EPSTI1: variants seen among roughly 807,000 people sequenced by gnomAD.
The protein encoded by EPSTI1 is epithelial-stromal interaction protein 1.
In EPSTI1, 66 loss-of-function variants were observed where a neutral mutation model predicts 49.9. The observed-to-expected ratio is 1.32, with a 90% confidence interval of 1.08 to 1.62. The LOEUF (loss-of-function observed/expected upper bound fraction) is 1.62. Among genes scored for constraint, EPSTI1 ranks in the 40% most tolerant of loss-of-function variants. The pLI is 0.00. For synonymous variants in EPSTI1, 137 were observed against 130.7 expected, an observed-to-expected ratio of 1.05 and a Z score of -0.33; for missense variants, 394 against 365.5, an observed-to-expected ratio of 1.08 and a Z score of -0.64.
In EPSTI1 at chr13:42,887,940, A is replaced by G. The variant is rs2036909529; in HGVS notation, c.*554T>C. 5.1e-6 allele frequency: 1 copy of G among 194,448 alleles called. No individual in the cohort carries two copies. Among genetic ancestry groups the G allele is most frequent in the African/African-American group, 2.4e-5 (1 of 42,448 alleles). 12.0% of individuals were successfully genotyped at this position (194,448 alleles called of 1,614,324 possible). Reference sequence around the variant, plus strand: ...GAATTAAAATGAGACCCTTCAAGAGAGAAAACCCCAATAACTTTTCATTAA... The same window carrying G: ...GAATTAAAATGAGACCCTTCAAGAGGGAAAACCCCAATAACTTTTCATTAA... On this transcript the variant is annotated 3_prime_UTR_variant, in exon 11 of 11. Transcript: ENST00000313624.
chr13:42,992,226 T>G lies in EPSTI1; in HGVS notation c.-61A>C. 6.8e-7 allele frequency: 1 copy of G among 1,467,600 alleles called. No individual in the cohort carries two copies. The highest frequency in any genetic ancestry group is 9.0e-7 in the Non-Finnish European group (1 of 1,106,176). 90.9% of individuals were successfully genotyped at this position (1,467,600 alleles called of 1,614,324 possible). A position where few individuals can be genotyped will look rare whatever the true frequency, so the allele number is the denominator to read the frequency against. On this transcript the variant is annotated 5_prime_UTR_variant, in exon 1 of 11. Coordinates refer to ENST00000313624, the MANE Select transcript of EPSTI1 (RefSeq NM_033255.5). The stretch of plus-strand genomic sequence containing the variant: ...GCGGGAGGGATGCGGCTGGGACGCT[T>G]AGCGAGTCTCAAGATGGGATTCCAA...
intron 10 of EPSTI1, among the ~76,000 whole-genome samples, chr13:42,893,313 A>G (rs904434219): frequency 6.6e-6 from 1 of 152,232 alleles, no homozygotes; most frequent in African/African-American, 2.4e-5. Flanking sequence ...GTATTATTAG[A>G]ACAAAGTCCC....
chr13:42,926,022 T>TGGAAGGAAGGAAGGAAGGAAGGAA (rs2038160183), intron 7 of EPSTI1, among the ~76,000 whole-genome samples: 1 of 9,746 alleles, frequency 1.0e-4, no homozygotes, highest in Admixed American at 7.7e-4. Flanking sequence ...GATGGATGCA[T>TGGAAGGAAGGAAGGAAGGAAGGAA]GGATGGAAGG....
At chr13:42,920,734 C>T (rs2037968426) in intron 7 of EPSTI1, among the ~76,000 whole-genome samples, 3 of 152,120 alleles carry the variant, frequency 2.0e-5, no homozygotes, top group Admixed American at 1.3e-4. Flanking sequence ...TGGACAAATG[C>T]CAGGCTGAGA....
At chr13:42,958,156 A>C (rs2039330996) in intron 5 of EPSTI1, among the ~76,000 whole-genome samples, 1 of 152,228 alleles carries the variant, frequency 6.6e-6, no homozygotes, top group South Asian at 2.1e-4. Flanking sequence ...AATTCAGCCC[A>C]CCAACAAATG....
At chr13:42,961,767 A>T (rs548214255) in intron 5 of EPSTI1, among the ~76,000 whole-genome samples, 1 of 152,322 alleles carries the variant, frequency 6.6e-6, no homozygotes, top group African/African-American at 2.4e-5. Flanking sequence ...ACCAGCAGCC[A>T]GTGGGGGAAG....
At chr13:42,930,304 G>A (rs1005647022) in intron 6 of EPSTI1, among the ~76,000 whole-genome samples, 5 of 152,210 alleles carry the variant, frequency 3.3e-5, no homozygotes, top group African/African-American at 4.8e-5. Context: ...GTACATGCAT[G>A]CATGCATTCA....
In EPSTI1 at chr13:42,972,883, A is replaced by T. The variant is rs375272623; in HGVS notation, c.189-2213T>A. ...AAAATAAATAAATAAAAAATAAATTAAAAAAGAATACCCAAACAAGTCTTA... is the reference window on the plus strand; with the variant it reads ...AAAATAAATAAATAAAAAATAAATTTAAAAAGAATACCCAAACAAGTCTTA... On this transcript the variant is annotated intron_variant, in intron 1 of 10. Coordinates refer to ENST00000313624, the MANE Select transcript of EPSTI1 (RefSeq NM_033255.5). Among the ~76,000 whole-genome samples, 5 of 152,306 alleles carry T rather than the reference A, an allele frequency of 3.3e-5. No homozygotes were observed. The East Asian group carries it at 7.7e-4, about 23-fold the overall frequency.
At chr13:42,933,858 A>G (rs1000289426) in intron 6 of EPSTI1, 3 of 152,828 alleles carry the variant, frequency 2.0e-5, no homozygotes, top group Admixed American at 6.5e-5. Context: ...ACCCCCCTGC[A>G]TGGACTTCCT....
chr13:42,980,800 C>T (rs2039974055), intron 1 of EPSTI1, among the ~76,000 whole-genome samples: 1 of 152,136 alleles, frequency 6.6e-6, no homozygotes, highest in South Asian at 2.1e-4. Flanking sequence ...TTCTAAGGGT[C>T]AGAATTGCAG....
chr13:42,924,584 C>T (rs2038115552), intron 7 of EPSTI1, among the ~76,000 whole-genome samples: 2 of 152,212 alleles, frequency 1.3e-5, no homozygotes, highest in African/African-American at 4.8e-5. Flanking sequence ...TGTTCTCCCT[C>T]TCCCTCCCTG....
chr13:42,963,455 A>T (rs1016295480), intron 4 of EPSTI1, 117 bp from the exon 5 acceptor site: 62 of 742,260 alleles, frequency 8.4e-5, no homozygotes, highest in Non-Finnish European at 1.1e-5. Flanking sequence ...ATACCTCACC[A>T]TGATTATAGG....
rs2037106451 is a variant in EPSTI1 at position 42,893,733 on chromosome 13, CGGTT to C, written c.915+1272_915+1275del. Among the ~76,000 whole-genome samples, 33 of 152,288 alleles carry C rather than the reference CGGTT, an allele frequency of 2.2e-4. No individual in the cohort carries two copies. In the South Asian group the frequency reaches 6.4e-3, roughly 30 times the overall value. ...ATAGGTGCTTTCTAAGTTTTAAGAGCGGTTCCATAGAGAAGAAATGACAACCATA... is the reference window on the plus strand; with the variant it reads ...ATAGGTGCTTTCTAAGTTTTAAGAGCCCATAGAGAAGAAATGACAACCATA... On this transcript the variant is annotated intron_variant, in intron 10 of 10. Coordinates refer to ENST00000313624, the MANE Select transcript of EPSTI1 (RefSeq NM_033255.5).
At chr13:42,955,872 G>GT (rs2039245930) in intron 5 of EPSTI1, among the ~76,000 whole-genome samples, 1 of 24,484 alleles carries the variant, frequency 4.1e-5, no homozygotes, top group East Asian at 5.7e-4. Flanking sequence ...TGATGAAGAA[G>GT]TATTTGGGGG....
At chr13:42,979,960 G>A (rs947849119) in intron 1 of EPSTI1, among the ~76,000 whole-genome samples, 1 of 150,524 alleles carries the variant, frequency 6.6e-6, no homozygotes, top group African/African-American at 2.4e-5. Context: ...CATTTCTATG[G>A]TTTGACATGT....
At chr13:42,983,398 T>C (rs182444460) in intron 1 of EPSTI1, among the ~76,000 whole-genome samples, 760 of 152,052 alleles carry the variant, frequency 5.0e-3, no homozygotes, top group Non-Finnish European at 7.2e-3. Context: ...ACCACGTCTC[T>C]ACTAAAAATA....
intron 9 of EPSTI1, among the ~76,000 whole-genome samples, chr13:42,896,945 C>T (rs994439680): frequency 6.6e-6 from 1 of 151,972 alleles, no homozygotes; most frequent in Non-Finnish European, 1.5e-5. Context: ...ACTAAAAACA[C>T]AAAAATTAGC....
chr13:42,943,673 C>T (rs1230159051), intron 6 of EPSTI1, among the ~76,000 whole-genome samples: 1 of 152,108 alleles, frequency 6.6e-6, no homozygotes, highest in African/African-American at 2.4e-5. Flanking sequence ...AGGAACTAGT[C>T]AACTTTTATT....
intron 1 of EPSTI1, among the ~76,000 whole-genome samples, chr13:42,976,692 A>G (rs960720937): frequency 2.6e-5 from 4 of 152,204 alleles, no homozygotes; most frequent in Admixed American, 1.3e-4. Flanking sequence ...GTACTCCAAA[A>G]TCTGTACATA....
Sources: allele counts gnomAD v4.1 joint callset (sites outside exome capture counted in the v4.1 genomes callset), GRCh38; gene constraint gnomAD v4.1.1; transcripts MANE v1.5; gene names NCBI Gene and HGNC (gene_info 2026-07-23, HGNC 2026-07-21).